The following FAM120B variants were observed in gnomAD, a reference collection of about 807,000 sequenced individuals.
FAM120B encodes constitutive coactivator of peroxisome proliferator-activated receptor gamma.
FAM120B carries 83 observed loss-of-function variants against 96.3 expected under a neutral mutation model. That is an observed-to-expected ratio of 0.86 (90% CI 0.72 to 1.03). FAM120B has a LOEUF of 1.03. Ranked by LOEUF, FAM120B falls within the 50% of genes least tolerant of loss-of-function variation. FAM120B has a pLI of 0.00. For missense variants in FAM120B, 1,027 were observed against 1,121.2 expected (o/e 0.92, Z 1.20); for synonymous variants, 407 against 402.7 (o/e 1.01, Z -0.13).
intron 2 of FAM120B, among the ~76,000 whole-genome samples, chr6:170,320,855 G>T (rs1046315676): frequency 1.3e-5 from 2 of 149,664 alleles, no homozygotes; most frequent in Non-Finnish European, 2.9e-5. Flanking sequence ...AAAGTCCAAG[G>T]GGGCAAGTTT....
In FAM120B at chr6:170,404,780, A is replaced by G; in HGVS notation, c.*29A>G. 1 of 606,012 alleles carries G rather than the reference A, an allele frequency of 1.7e-6. No homozygotes were observed. The highest frequency in any genetic ancestry group is 2.9e-5 in the Admixed American group (1 of 35,058). The allele number at this position is 606,012 out of a possible 1,614,324, so 37.5% of individuals were successfully genotyped here. On this transcript the variant is annotated 3_prime_UTR_variant, in exon 11 of 11. Transcript: ENST00000476287. ...TCCTCCAGAAAGAGTATGGAGAGAA[A>G]AAGAGGCACACCTGGACGCAGAGCC...
chr6:170,315,630 T>C (rs1784854317), intron 1 of FAM120B, among the ~76,000 whole-genome samples: 1 of 151,844 alleles, frequency 6.6e-6, no homozygotes. Flanking sequence ...TTAATAACTT[T>C]ATGAGCAAGC....
In FAM120B at chr6:170,398,726, A is replaced by G. The variant is rs867672432; in HGVS notation, c.2692+3147A>G. On this transcript the variant is annotated intron_variant, in intron 9 of 10. Transcript: ENST00000476287. ...TGAGTGGGGAAGGTAGAACTATGTCATAACTCTTAGGAGTGAGTGAGAAAG... is the reference window on the plus strand; with the variant it reads ...TGAGTGGGGAAGGTAGAACTATGTCGTAACTCTTAGGAGTGAGTGAGAAAG... 8.4e-4 allele frequency among the ~76,000 whole-genome samples: 124 copies of G among 148,242 alleles called. 2 individuals carry two copies. Among genetic ancestry groups the G allele is most frequent in the South Asian group, 2.4e-3 (11 of 4,640 alleles).
intron 1 of FAM120B, among the ~76,000 whole-genome samples, chr6:170,299,397 G>C (rs921466489): frequency 4.6e-5 from 7 of 152,204 alleles, no homozygotes; most frequent in Admixed American, 3.3e-4. Context: ...GATGCGCAAT[G>C]TGTGTCTTCT....
chr6:170,386,240 C>G (rs561323283), intron 6 of FAM120B, among the ~76,000 whole-genome samples: 1 of 152,170 alleles, frequency 6.6e-6, no homozygotes, highest in African/African-American at 2.4e-5. Flanking sequence ...CTGTACCTTC[C>G]TCTCAATTTT....
intron 9 of FAM120B, among the ~76,000 whole-genome samples, chr6:170,399,955 A>G (rs1583319252): frequency 9.3e-6 from 1 of 108,092 alleles, no homozygotes; most frequent in African/African-American, 4.5e-5. Context: ...TGGGGAAGGT[A>G]GAACTATGTC....
chr6:170,353,786 G>A (rs1271294665), intron 5 of FAM120B, among the ~76,000 whole-genome samples: 1 of 152,138 alleles, frequency 6.6e-6, no homozygotes. Context: ...ACAAACAAAT[G>A]GAGAACCATT....
intron 6 of FAM120B, among the ~76,000 whole-genome samples, chr6:170,381,553 G>C (rs893385142): frequency 2.0e-5 from 3 of 148,546 alleles, no homozygotes; most frequent in Non-Finnish European, 4.4e-5. Context: ...ACCCAAACCA[G>C]ACAAAAAAAA....
intron 4 of FAM120B, among the ~76,000 whole-genome samples, chr6:170,335,035 G>GTT (rs763623737): frequency 9.4e-4 from 131 of 139,272 alleles, no homozygotes; most frequent in African/African-American, 3.2e-3. Context: ...GGTTTTTTGA[G>GTT]TTTTTTTTTT....
chr6:170,399,639 G>T (rs77164193), intron 9 of FAM120B, among the ~76,000 whole-genome samples: 3 of 137,378 alleles, frequency 2.2e-5, no homozygotes, highest in Non-Finnish European at 3.1e-5. Context: ...GGAGTGAGTG[G>T]GGAAGGTAGA....
intron 6 of FAM120B, among the ~76,000 whole-genome samples, chr6:170,374,261 T>C (rs1449341281): frequency 6.6e-6 from 1 of 152,222 alleles, no homozygotes; most frequent in African/African-American, 2.4e-5. Context: ...GATTTGATCA[T>C]ATGTGTAATT....
chr6:170,354,589 C>T (rs1787778676), intron 5 of FAM120B, among the ~76,000 whole-genome samples: 1 of 152,024 alleles, frequency 6.6e-6, no homozygotes, highest in Non-Finnish European at 1.5e-5. Context: ...AAAACAATCC[C>T]ATTAAAAAGT....
intron 5 of FAM120B, among the ~76,000 whole-genome samples, chr6:170,354,802 A>T (rs187031228): frequency 7.2e-5 from 11 of 151,982 alleles, no homozygotes; most frequent in African/African-American, 2.7e-4. Flanking sequence ...GATGGCAGGC[A>T]CCTGTAATCC....
intron 3 of FAM120B, among the ~76,000 whole-genome samples, chr6:170,329,961 G>A (rs1785898753): frequency 6.6e-6 from 1 of 152,114 alleles, no homozygotes; most frequent in South Asian, 2.1e-4. Flanking sequence ...GGCATCTAGG[G>A]ACACCACCTC....
intron 6 of FAM120B, among the ~76,000 whole-genome samples, chr6:170,384,738 C>T (rs1451669644): frequency 6.6e-6 from 1 of 152,256 alleles, no homozygotes; most frequent in Admixed American, 6.5e-5. Flanking sequence ...TAGGCCAAGT[C>T]TGGCCTTTGG....
chr6:170,316,297 G>T (rs1784897957), intron 1 of FAM120B, among the ~76,000 whole-genome samples: 2 of 152,148 alleles, frequency 1.3e-5, no homozygotes, highest in African/African-American at 4.8e-5. Flanking sequence ...CATGACTGCT[G>T]CCTTCAGCCT....
intron 5 of FAM120B, among the ~76,000 whole-genome samples, chr6:170,356,052 C>T (rs1165087115): frequency 1.3e-5 from 2 of 152,182 alleles, no homozygotes; most frequent in Non-Finnish European, 2.9e-5. Flanking sequence ...CGCAGTTCTA[C>T]CTTCCCATCC....
At chr6:170,340,744 C>G (rs1786765796) in intron 4 of FAM120B, among the ~76,000 whole-genome samples, 1 of 152,206 alleles carries the variant, frequency 6.6e-6, no homozygotes, top group Non-Finnish European at 1.5e-5. Flanking sequence ...CAACTGGCCT[C>G]TCTTCTGCAG....
In FAM120B at chr6:170,308,214, C is replaced by A. The variant is rs545566529; in HGVS notation, c.-22+1372C>A. On this transcript the variant is annotated intron_variant, in intron 1 of 10. Transcript: ENST00000476287. The stretch of plus-strand genomic sequence containing the variant: ...CATCATTAGTGAGTGTTTCCCCTGA[C>A]TTTGCCATTCCTTTTGTTTTGGAAC... Among the ~76,000 whole-genome samples, 4 of 152,290 alleles carry A rather than the reference C, an allele frequency of 2.6e-5. No homozygotes were observed. The South Asian group carries it at 8.3e-4, about 32-fold the overall frequency.
Sources: gnomAD v4.1 joint callset for allele counts (sites outside exome capture counted in the v4.1 genomes callset) on GRCh38, gnomAD v4.1.1 for gene constraint, MANE v1.5 for transcripts, NCBI Gene and HGNC (gene_info 2026-07-23, HGNC 2026-07-21) for gene names.